UTP15: variants seen among roughly 807,000 people sequenced by gnomAD.
The protein encoded by UTP15 is U3 small nucleolar RNA-associated protein 15 homolog.
In UTP15, 5 loss-of-function variants were observed where a neutral mutation model predicts 59.1. The ratio of observed to expected loss-of-function variants is 0.08; its 90% CI spans 0.04 to 0.18. UTP15 has a LOEUF of 0.18. Ranked by LOEUF, UTP15 falls within the 10% of genes least tolerant of loss-of-function variation. UTP15 has a pLI of 1.00. For synonymous variants in UTP15, 211 were observed against 212.2 expected, an observed-to-expected ratio of 0.99 and a Z score of 0.05; for missense variants, 494 against 616.7, an observed-to-expected ratio of 0.80 and a Z score of 2.11.
At chr5:73,578,683 G>A (rs1438566804) in intron 9 of UTP15, 68 bp from the exon 10 acceptor site, 2 of 1,357,478 alleles carry the variant, frequency 1.5e-6, no homozygotes, top group Non-Finnish European at 2.1e-6. Context: ...TTATGAAAAA[G>A]TTTATATTAA....
chr5:73,567,022 T>A (rs771049468), intron 1 of UTP15, among the ~76,000 whole-genome samples: 2 of 152,234 alleles, frequency 1.3e-5, no homozygotes, highest in Non-Finnish European at 2.9e-5. Flanking sequence ...TATTCCTAAG[T>A]GTTGTAAAAT....
At chr5:73,571,169 G>A (rs1475220191) in intron 6 of UTP15, among the ~76,000 whole-genome samples, 1 of 151,462 alleles carries the variant, frequency 6.6e-6, no homozygotes, top group African/African-American at 2.4e-5. Context: ...ATTTAGCCCT[G>A]TGCCATCTTA....
Position 73,579,361 on chromosome 5 carries a change from C to T in UTP15, c.1325C>T (p.Ala442Val), listed in dbSNP as rs1333793688. The T allele has an allele frequency of 8.1e-6, 13 of 1,607,310 alleles. No individual in the cohort carries two copies. The highest frequency in any genetic ancestry group is 1.1e-5 in the Non-Finnish European group (13 of 1,177,434). ...TTTGCCCCTGTTTTAATCAATGCTG[C>T]TGAAATAATTATTGGTAAGTCATTG... ...PRFAPVLINA[A>V]EIIIDIYLPV... The change falls in exon 12 of 13, where the codon GCT becomes GTT. Residue 442 changes from alanine to valine, a missense_variant. Ala to Val is a moderately conservative substitution (Grantham distance 64, BLOSUM62 0). Coordinates refer to ENST00000296792, the MANE Select transcript of UTP15 (RefSeq NM_032175.4).
Position 73,580,123 on chromosome 5 carries a change from C to T in UTP15, c.*29C>T, listed in dbSNP as rs1159869746. 6.3e-7 allele frequency: 1 copy of T among 1,583,222 alleles called. No individual in the cohort carries two copies. Among genetic ancestry groups the T allele is most frequent in the Admixed American group, 1.7e-5 (1 of 58,510 alleles). On this transcript the variant is annotated 3_prime_UTR_variant, in exon 13 of 13. Coordinates refer to ENST00000296792, the MANE Select transcript of UTP15 (RefSeq NM_032175.4). ...CTGCTAAATAAGACATATAAGAACT[C>T]TGAAGTTGGAATAGATTTGACTGTA... is the stretch of plus-strand genomic sequence containing the variant.
chr5:73,572,938 C>T (rs905724763), intron 7 of UTP15, among the ~76,000 whole-genome samples: 2 of 152,030 alleles, frequency 1.3e-5, no homozygotes, highest in African/African-American at 4.8e-5. Flanking sequence ...GCTGGGATAA[C>T]AGGCACGCGC....
chr5:73,571,800 G>A (rs992257703), intron 6 of UTP15, among the ~76,000 whole-genome samples: 50 of 152,212 alleles, frequency 3.3e-4, no homozygotes, highest in African/African-American at 1.2e-3. Flanking sequence ...GAAAAAAGTT[G>A]ATAATGTCAG....
intron 2 of UTP15, 80 bp from the exon 3 acceptor site, chr5:73,568,155 C>A: frequency 9.7e-7 from 1 of 1,035,426 alleles, no homozygotes. Context: ...CAAAGAGAAA[C>A]GGTCTGTAAG....
At chr5:73,575,636 A>G (rs1057386825) in intron 7 of UTP15, among the ~76,000 whole-genome samples, 5 of 151,516 alleles carry the variant, frequency 3.3e-5, no homozygotes, top group African/African-American at 9.7e-5. Context: ...GGCTCAAACA[A>G]TCTGCTGTCC....
chr5:73,569,977 T>C (rs1482563049), intron 5 of UTP15, among the ~76,000 whole-genome samples: 2 of 151,888 alleles, frequency 1.3e-5, no homozygotes, highest in Non-Finnish European at 2.9e-5. Flanking sequence ...GGACTACAGG[T>C]GCCCACCACC....
At chr5:73,568,914 G>A (rs1025478609) in intron 4 of UTP15, among the ~76,000 whole-genome samples, 6 of 152,168 alleles carry the variant, frequency 3.9e-5, no homozygotes, top group African/African-American at 1.4e-4. Flanking sequence ...CTGACCTGAA[G>A]ACAACCTTAC....
chr5:73,569,540 G>A lies in UTP15; in HGVS notation c.412G>A (p.Val138Ile). 1 of 1,611,772 alleles carries A rather than the reference G, an allele frequency of 6.2e-7. No individual in the cohort carries two copies. Among genetic ancestry groups the A allele is most frequent in the Non-Finnish European group, 8.5e-7 (1 of 1,178,922 alleles). The change falls in exon 5 of 13, where the codon GTC becomes ATC. Residue 138 changes from valine (V) to isoleucine (I), a missense_variant. Coordinates refer to ENST00000296792, the MANE Select transcript of UTP15 (RefSeq NM_032175.4). Reference protein sequence around the residue: ...VDFTADKYHVVSGADDYTVKL... With the variant: ...VDFTADKYHVISGADDYTVKL... The stretch of plus-strand genomic sequence containing the variant: ...TTTTACAGCTGACAAATATCACGTG[G>A]TCTCTGGGGCTGATGATTATACAGT...
rs910507633 is a variant in UTP15 at position 73,583,176 on chromosome 5, C to T, written c.*3082C>T. 7.9e-5 allele frequency: 12 copies of T among 152,110 alleles called. No homozygotes were observed. The highest frequency in any genetic ancestry group is 2.2e-4 in the African/African-American group (9 of 41,404). The allele number at this position is 152,110 out of a possible 1,614,324, so 9.4% of individuals were successfully genotyped here. On this transcript the variant is annotated 3_prime_UTR_variant, in exon 13 of 13. Coordinates refer to ENST00000296792, the MANE Select transcript of UTP15 (RefSeq NM_032175.4). ...GTTCCCTCAGCTATAGTTAACTGGA[C>T]CATGGTGGTACAACTGACTCAACCC...
intron 6 of UTP15, among the ~76,000 whole-genome samples, 185 bp from the exon 7 acceptor site, chr5:73,572,304 G>A (rs891675572): frequency 6.6e-6 from 1 of 152,134 alleles, no homozygotes; most frequent in Non-Finnish European, 1.5e-5. Flanking sequence ...GTTCTGTGAG[G>A]TAGGAACTGT....
intron 7 of UTP15, among the ~76,000 whole-genome samples, chr5:73,573,248 G>GTTT (rs775316960): frequency 4.4e-5 from 6 of 135,446 alleles, no homozygotes; most frequent in Non-Finnish European, 4.8e-5. Flanking sequence ...ATATTTTGAA[G>GTTT]TTTTTTTTTT....
chr5:73,578,193 A>G (rs1241949819), intron 9 of UTP15, 188 bp downstream of exon 9: 14 of 554,252 alleles, frequency 2.5e-5, no homozygotes, highest in Middle Eastern at 4.5e-4. Flanking sequence ...GGACTACTTT[A>G]TGTAATACTC....
chr5:73,572,364 C>G, intron 6 of UTP15, 125 bp from the exon 7 acceptor site: 1 of 1,254,642 alleles, frequency 8.0e-7, no homozygotes, highest in Non-Finnish European at 1.1e-6. Flanking sequence ...ACCAGGCAGC[C>G]TGGCCTGGAC....
At position 73,565,899 on chromosome 5, in the gene UTP15, G is replaced by C. The variant is rs890689443; in HGVS notation, c.-97G>C. 19 of 456,172 alleles carry C rather than the reference G, an allele frequency of 4.2e-5. No individual in the cohort carries two copies. Among genetic ancestry groups the C allele is most frequent in the Non-Finnish European group, 7.5e-5 (17 of 226,962 alleles). 28.3% of individuals were successfully genotyped at this position (456,172 alleles called of 1,614,324 possible). On this transcript the variant is annotated 5_prime_UTR_variant, in exon 1 of 13. Coordinates refer to ENST00000296792, the MANE Select transcript of UTP15 (RefSeq NM_032175.4). ...GTCGAGGTGTCTCGTCGGACCCTTTGGGGCTCAGTGGAGGTAGGTGAAGGC... is the reference window on the plus strand; with the variant it reads ...GTCGAGGTGTCTCGTCGGACCCTTTCGGGCTCAGTGGAGGTAGGTGAAGGC...
intron 10 of UTP15, 44 bp from the exon 11 acceptor site, chr5:73,578,973 T>G: frequency 6.3e-7 from 1 of 1,595,444 alleles, no homozygotes; most frequent in Non-Finnish European, 8.6e-7. Flanking sequence ...TGATTTTTTT[T>G]GTGCTGTTTT....
chr5:73,571,038 C>G (rs754384638), intron 6 of UTP15, among the ~76,000 whole-genome samples: 5 of 152,078 alleles, frequency 3.3e-5, no homozygotes, highest in Admixed American at 6.6e-5. Flanking sequence ...TCACAGAACT[C>G]GAGAGCTCTG....
Sources: allele counts gnomAD v4.1 joint callset (sites outside exome capture counted in the v4.1 genomes callset), GRCh38; gene constraint gnomAD v4.1.1; transcripts MANE v1.5; gene names NCBI Gene and HGNC (gene_info 2026-07-23, HGNC 2026-07-21).